Variants in ZNF721 observed in about 807,000 individuals in gnomAD.
ZNF721 encodes zinc finger protein 721.
Under a neutral mutation model 2.4 loss-of-function variants are expected in ZNF721, and 2 were observed. That is an observed-to-expected ratio of 0.82 (90% confidence interval 0.34 to 2.58). The LOEUF (loss-of-function observed/expected upper bound fraction) is 2.58. ZNF721 is among the 30% of genes most tolerant of loss of function. ZNF721 has a pLI of 0.11. For synonymous variants in ZNF721, 398 were observed against 381.8 expected (o/e 1.04, Z -0.50); for missense variants, 1,187 against 1,085.5 (o/e 1.09, Z -1.31).
chr4:442,276 C>A lies in ZNF721; in HGVS notation c.2191G>T (p.Gly731Cys), dbSNP rs1553863316. The A allele has an allele frequency of 6.2e-7, 1 of 1,613,274 alleles. No homozygotes were observed. Among genetic ancestry groups the A allele is most frequent in the Admixed American group, 1.7e-5 (1 of 59,932 alleles). Residue 731 changes from glycine (G) to cysteine (C), a missense_variant, in exon 3 of 3, where the codon GGC becomes TGC. By Grantham distance (159) the Gly-to-Cys change is radical (BLOSUM62 -3). Transcript: ENST00000511833. ...TTTGTGGACCATCCAAAGGATCTGC[C>A]ACGATCTTCACATTTGTAGGGTTTC... is the stretch of plus-strand genomic sequence containing the variant. ...REKPYKCEDRGRSFGWSTNLN... is the reference protein window; with the variant it reads ...REKPYKCEDRCRSFGWSTNLN...
chr4:497,917 A>C (rs1385225434), intron 1 of ZNF721, among the ~76,000 whole-genome samples: 1 of 146,934 alleles, frequency 6.8e-6, no homozygotes, highest in African/African-American at 2.5e-5. Context: ...CCAACAAAAA[A>C]AAAACAGGCC....
At chr4:495,817 T>C (rs1370788683) in intron 1 of ZNF721, among the ~76,000 whole-genome samples, 1 of 152,142 alleles carries the variant, frequency 6.6e-6, no homozygotes, top group African/African-American at 2.4e-5. Context: ...TTGGCCAGGA[T>C]GGTCTTGATC....
rs1553863266 is a variant in ZNF721 at position 442,168 on chromosome 4, G to T, written c.2299C>A (p.His767Asn). 8.1e-6 allele frequency: 13 copies of T among 1,612,724 alleles called. No homozygotes were observed. Among genetic ancestry groups the T allele is most frequent in the Non-Finnish European group, 1.0e-5 (12 of 1,179,134 alleles). ...TGAATTTTCTCATGTCTATTCAGGT[G>T]TGAGGACTGTTTAAACACTTTCCCA... is the stretch of plus-strand genomic sequence containing the variant. ...ECGKVFKQSSHLNRHEKIHTG... is the reference protein window; with the variant it reads ...ECGKVFKQSSNLNRHEKIHTG... Residue 767 changes from histidine to asparagine, a missense_variant, in exon 3 of 3, where the codon CAC becomes AAC. Coordinates refer to ENST00000511833, the MANE Select transcript of ZNF721 (RefSeq NM_133474.4).
At chr4:450,951 A>T (rs1177561728) in intron 2 of ZNF721, among the ~76,000 whole-genome samples, 1 of 50,228 alleles carries the variant, frequency 2.0e-5, no homozygotes, top group East Asian at 4.9e-4. Context: ...AAAAAAAAAA[A>T]AAAAAATATA....
At chr4:457,363 A>G (rs1362581555) in intron 2 of ZNF721, among the ~76,000 whole-genome samples, 2 of 152,228 alleles carry the variant, frequency 1.3e-5, no homozygotes, top group African/African-American at 4.8e-5. Flanking sequence ...TTGTGAACCC[A>G]AGACTGAGGA....
At chr4:483,810 T>A (rs1715828892) in intron 1 of ZNF721, among the ~76,000 whole-genome samples, 1 of 152,106 alleles carries the variant, frequency 6.6e-6, no homozygotes, top group Non-Finnish European at 1.5e-5. Flanking sequence ...ATAATAGCAA[T>A]GTTCATTTGT....
Position 442,157 on chromosome 4 carries a change from T to C in ZNF721, c.2310A>G (p.Arg770=), listed in dbSNP as rs782716841. ...TCTTTCCAGTATGAATTTTCTCATGTCTATTCAGGTGTGAGGACTGTTTAA... is the reference window on the plus strand; with the variant it reads ...TCTTTCCAGTATGAATTTTCTCATGCCTATTCAGGTGTGAGGACTGTTTAA... The part of the protein sequence containing the change: ...KVFKQSSHLN[R]HEKIHTGKKP... The change falls in exon 3 of 3, where the codon AGA becomes AGG. Residue 770 remains arginine (R), a synonymous_variant. Coordinates refer to ENST00000511833, the MANE Select transcript of ZNF721 (RefSeq NM_133474.4). 4.3e-6 allele frequency: 7 copies of C among 1,613,256 alleles called. No homozygotes were observed. In the South Asian group the frequency reaches 7.7e-5, roughly 18 times the overall value.
chr4:466,110 C>T (rs1352380142), intron 2 of ZNF721, among the ~76,000 whole-genome samples: 3 of 151,696 alleles, frequency 2.0e-5, no homozygotes, highest in Non-Finnish European at 2.9e-5. Context: ...GATTCTCCTG[C>T]CTCAGCCTCA....
In ZNF721 at chr4:443,270, A is replaced by G; in HGVS notation, c.1197T>C (p.Asn399=). ...YKCEECGKAF[N]SSTNLTAHKR... ...TATGTGCAGTAAGGTTTGTTGAACTATTAAAGGCTTTGCCACACTCTTCAC... is the reference window on the plus strand; with the variant it reads ...TATGTGCAGTAAGGTTTGTTGAACTGTTAAAGGCTTTGCCACACTCTTCAC... Residue 399 remains asparagine, a synonymous_variant, in exon 3 of 3, where the codon AAT becomes AAC. Coordinates refer to ENST00000511833, the MANE Select transcript of ZNF721 (RefSeq NM_133474.4). 6.2e-7 allele frequency: 1 copy of G among 1,612,864 alleles called. No individual in the cohort carries two copies. The highest frequency in any genetic ancestry group is 8.5e-7 in the Non-Finnish European group (1 of 1,179,648).
At chr4:454,014 T>C (rs1274386201) in intron 2 of ZNF721, 2 of 144,466 alleles carry the variant, frequency 1.4e-5, no homozygotes, top group Non-Finnish European at 3.1e-5. Context: ...GCTCCTCTAA[T>C]GTTCCTCTGG....
Position 442,875 on chromosome 4 carries a change from C to T in ZNF721, c.1592G>A (p.Cys531Tyr), listed in dbSNP as rs781849344. The change falls in exon 3 of 3, where the codon TGT becomes TAT. Residue 531 changes from cysteine (C) to tyrosine (Y), a missense_variant. Physicochemically the swap from Cys to Tyr is radical, Grantham distance 194. Transcript: ENST00000511833. ...RIHTGEKPYT[C>Y]EVCGKAFRQS... ...TCTAAAGGCTTTGCCACATACTTCA[C>T]ATGTGTAGGGTTTCTCTCCAGTATG... 1.2e-5 allele frequency: 19 copies of T among 1,613,926 alleles called. No individual in the cohort carries two copies. In the Admixed American group the frequency reaches 1.7e-4, roughly 14 times the overall value.
At chr4:477,466 C>T (rs1352163735) in intron 1 of ZNF721, among the ~76,000 whole-genome samples, 1 of 151,842 alleles carries the variant, frequency 6.6e-6, no homozygotes, top group Non-Finnish European at 1.5e-5. Flanking sequence ...TCTTGATCCC[C>T]GGACCTCGTG....
chr4:468,878 T>G (rs1459844476), intron 2 of ZNF721, among the ~76,000 whole-genome samples: 1 of 152,214 alleles, frequency 6.6e-6, no homozygotes, highest in African/African-American at 2.4e-5. Context: ...GGACCACAGC[T>G]TCTATCTTAA....
intron 1 of ZNF721, among the ~76,000 whole-genome samples, chr4:497,732 CAA>C (rs533555862): frequency 3.2e-5 from 4 of 123,968 alleles, no homozygotes; most frequent in Admixed American, 1.7e-4. Context: ...CTAAAAAATA[CAA>C]AAAAAAAAAA....
chr4:444,299 C>G lies in ZNF721; in HGVS notation c.168G>C (p.Met56Ile). Residue 56 changes from methionine (M) to isoleucine (I), a missense_variant, in exon 3 of 3, where the codon ATG (methionine) becomes ATC (isoleucine). Physicochemically the swap from Met to Ile is conservative, Grantham distance 10 (BLOSUM62 1). Transcript: ENST00000511833. ...CTCCCTTCTGCACTTTACACACGTT[C>G]ATACTTTTACAGCCTTTCCTTAATT... ...NLQLRKGCKS[M>I]NVCKVQKGVY... 6.2e-7 allele frequency: 1 copy of G among 1,614,142 alleles called. No individual in the cohort carries two copies. The highest frequency in any genetic ancestry group is 1.1e-5 in the South Asian group (1 of 91,070).
At chr4:466,044 T>G (rs1356321866) in intron 2 of ZNF721, among the ~76,000 whole-genome samples, 1 of 150,670 alleles carries the variant, frequency 6.6e-6, no homozygotes, top group East Asian at 2.0e-4. Flanking sequence ...TCGCTCAGGC[T>G]GGAATGCAGT....
At chr4:478,348 T>G (rs1553868903) in intron 1 of ZNF721, among the ~76,000 whole-genome samples, 2 of 152,222 alleles carry the variant, frequency 1.3e-5, no homozygotes, top group African/African-American at 4.8e-5. Flanking sequence ...TACTTTGTTT[T>G]TTTTGCATAT....
chr4:485,369 T>A (rs1223956496), intron 1 of ZNF721, among the ~76,000 whole-genome samples: 2 of 151,940 alleles, frequency 1.3e-5, no homozygotes, highest in African/African-American at 4.8e-5. Flanking sequence ...TCCACAATAA[T>A]ATTCACCACG....
At chr4:473,092 T>A (rs560283312) in intron 1 of ZNF721, among the ~76,000 whole-genome samples, 1 of 151,780 alleles carries the variant, frequency 6.6e-6, no homozygotes, top group African/African-American at 2.4e-5. Context: ...AGACAGGATG[T>A]GAGGGGAGGG....
Sources: gnomAD v4.1 joint callset for allele counts (sites outside exome capture counted in the v4.1 genomes callset) on GRCh38, gnomAD v4.1.1 for gene constraint, MANE v1.5 for transcripts, NCBI Gene and HGNC (gene_info 2026-07-23, HGNC 2026-07-21) for gene names.